Variants in DOP1A observed in about 807,000 individuals in gnomAD.
DOP1A encodes the protein DOP1 leucine zipper like protein A, also known as protein DOP1A.
DOP1A carries 90 observed loss-of-function variants against 267.6 expected under a neutral mutation model. That is an observed-to-expected ratio of 0.34 (90% CI 0.28 to 0.40). DOP1A has a LOEUF of 0.40. DOP1A is among the 10% of genes least tolerant of loss of function. The probability of loss-of-function intolerance (pLI) is 1.00; values close to 1 mark genes in which losing one functional copy is unlikely to be tolerated. For synonymous variants in DOP1A, 932 were observed against 999.1 expected (o/e 0.93, Z 1.27); for missense variants, 2,437 against 2,900.4 (o/e 0.84, Z 3.67).
At chr6:83,082,788 A>G (rs1768356636) in intron 1 of DOP1A, among the ~76,000 whole-genome samples, 1 of 151,808 alleles carries the variant, frequency 6.6e-6, no homozygotes, top group South Asian at 2.1e-4. Context: ...GAAATAAGCT[A>G]CATGTCTCTT....
chr6:83,170,334 C>A (rs529906310), downstream of DOP1A: 2 of 1,614,140 alleles, frequency 1.2e-6, no homozygotes, highest in Middle Eastern at 3.3e-4. Context: ...TATACTCGGA[C>A]GACATCTTCT....
chr6:83,130,800 A>G (rs933599773), intron 17 of DOP1A, among the ~76,000 whole-genome samples: 8 of 151,278 alleles, frequency 5.3e-5, no homozygotes, highest in African/African-American at 1.7e-4. Context: ...GTGCAGTGGC[A>G]TGATCTCGGC....
Position 83,154,169 on chromosome 6 carries a change from A to C in DOP1A, c.6390-11A>C, listed in dbSNP as rs890921555. On this transcript the variant is annotated splice_polypyrimidine_tract_variant and intron_variant, in intron 32 of 38. Coordinates refer to ENST00000349129, the MANE Select transcript of DOP1A (RefSeq NM_015018.4). ...AACATAATTACATGTTGTAATCCTT[A>C]TCTCTTTCAGTTGGAGAGCAATTAT... 2 of 1,613,640 alleles carry C rather than the reference A, an allele frequency of 1.2e-6. No homozygotes were observed. The highest frequency in any genetic ancestry group is 8.5e-7 in the Non-Finnish European group (1 of 1,179,624).
intron 27 of DOP1A, among the ~76,000 whole-genome samples, chr6:83,149,985 A>AGAGAGGGTTTG (rs1182424805): frequency 6.6e-6 from 1 of 152,216 alleles, no homozygotes; most frequent in Non-Finnish European, 1.5e-5. Flanking sequence ...ATGATTTTGG[A>AGAGAGGGTTTG]GAGAGGGTTT....
rs749720629 is a variant in DOP1A, at chr6:83,135,803, T to C, written c.3055T>C (p.Tyr1019His). The change falls in exon 20 of 39, where the codon TAT (tyrosine) becomes CAT (histidine). Residue 1019 changes from tyrosine to histidine, a missense_variant. Tyr to His is a moderately conservative substitution (Grantham distance 83, BLOSUM62 2). This residue lies in a region of DOP1A where 878 missense variants were observed against 992.9 expected (regional missense o/e 0.88). Transcript: ENST00000349129. Reference protein sequence around the residue: ...VSVQRVQAERYWNKSPCYPGE... With the variant: ...VSVQRVQAERHWNKSPCYPGE... ...AGTACAGCGTGTACAAGCAGAACGTTATTGGAATAAGTCTCCCTGTTATCC... is the reference window on the plus strand; with the variant it reads ...AGTACAGCGTGTACAAGCAGAACGTCATTGGAATAAGTCTCCCTGTTATCC... 6.2e-7 allele frequency: 1 copy of C among 1,613,740 alleles called. No individual in the cohort carries two copies. The highest frequency in any genetic ancestry group is 8.5e-7 in the Non-Finnish European group (1 of 1,179,716).
At chr6:83,147,211 C>T (rs2128306036) in intron 25 of DOP1A, 25 bp from the exon 26 acceptor site, 1 of 1,328,460 alleles carries the variant, frequency 7.5e-7, no homozygotes, top group Non-Finnish European at 1.0e-6. Context: ...TTCTTCACTA[C>T]AAAATTGATT....
intron 1 of DOP1A, among the ~76,000 whole-genome samples, chr6:83,079,884 CAGTT>C (rs71713777): frequency 0.029 from 4,455 of 152,176 alleles, 152 homozygotes; most frequent in East Asian, 0.084. Context: ...GGATAGTTAA[CAGTT>C]AGTTATTCCT....
rs1335239607 is a variant in DOP1A at position 83,160,510 on chromosome 6, G to T, written c.6962+550G>T. 2.0e-5 allele frequency among the ~76,000 whole-genome samples: 3 copies of T among 152,336 alleles called. No homozygotes were observed. The East Asian group carries it at 5.8e-4, about 29-fold the overall frequency. The stretch of plus-strand genomic sequence containing the variant: ...TAGAGAACTTGGACAGCTAAGGAAA[G>T]AAGTGATATTATTAGGCTTGAATTT... On this transcript the variant is annotated intron_variant, in intron 37 of 38. Transcript: ENST00000349129.
At chr6:83,099,562 T>G (rs1485456819) in intron 3 of DOP1A, among the ~76,000 whole-genome samples, 1 of 152,140 alleles carries the variant, frequency 6.6e-6, no homozygotes, top group Non-Finnish European at 1.5e-5. Flanking sequence ...ATTAGTTTTT[T>G]AGATTAACCA....
chr6:83,153,478 A>C (rs1180412102), intron 30 of DOP1A, 33 bp from the exon 31 acceptor site: 1 of 1,438,706 alleles, frequency 7.0e-7, no homozygotes, highest in Non-Finnish European at 9.6e-7. Context: ...GTTTCACCTC[A>C]TATGTTACTC....
intron 1 of DOP1A, among the ~76,000 whole-genome samples, chr6:83,082,032 T>C: frequency 6.6e-6 from 1 of 152,162 alleles, no homozygotes; most frequent in South Asian, 2.1e-4. Context: ...AAGGTAAGTG[T>C]TAGAGAGGAT....
chr6:83,092,389 C>A (rs1023298194), intron 1 of DOP1A, among the ~76,000 whole-genome samples: 1 of 152,070 alleles, frequency 6.6e-6, no homozygotes, highest in Non-Finnish European at 1.5e-5. Flanking sequence ...AATTGCATAG[C>A]AAATCCTTAT....
At chr6:83,132,034 A>G in intron 17 of DOP1A, 142 bp from the exon 18 acceptor site, 1 of 889,824 alleles carries the variant, frequency 1.1e-6, no homozygotes. Flanking sequence ...AGACTGCCTT[A>G]GTAACCTCAT....
Position 83,130,347 on chromosome 6 carries a change from C to G in DOP1A, c.2566C>G (p.Leu856Val), listed in dbSNP as rs776500308. 2 of 1,614,092 alleles carry G rather than the reference C, an allele frequency of 1.2e-6. No individual in the cohort carries two copies. The highest frequency in any genetic ancestry group is 1.1e-5 in the South Asian group (1 of 91,072). ...GRVAVVIRPPLTQGNLRYIAE... is the reference protein window; with the variant it reads ...GRVAVVIRPPVTQGNLRYIAE... ...AGTAGCTGTGGTTATTAGACCTCCC[C>G]TCACTCAGGGCAATCTGAGGTACAT... The change falls in exon 17 of 39, where the codon CTC becomes GTC. Residue 856 changes from leucine to valine, a missense_variant. Physicochemically the swap from Leu to Val is conservative, Grantham distance 32. Transcript: ENST00000349129.
chr6:83,128,463 T>A (rs1424641054), intron 15 of DOP1A, among the ~76,000 whole-genome samples: 1 of 152,212 alleles, frequency 6.6e-6, no homozygotes. Flanking sequence ...TAATTAGTAC[T>A]ATACACATTT....
intron 15 of DOP1A, among the ~76,000 whole-genome samples, chr6:83,125,972 C>T (rs1369533248): frequency 6.6e-6 from 1 of 151,916 alleles, no homozygotes; most frequent in African/African-American, 2.4e-5. Flanking sequence ...CTAGTACCCA[C>T]ATTAAAGTAA....
Position 83,138,748 on chromosome 6 carries a change from A to T in DOP1A, c.4706A>T (p.Glu1569Val). 1 of 1,614,056 alleles carries T rather than the reference A, an allele frequency of 6.2e-7. No homozygotes were observed. The highest frequency in any genetic ancestry group is 8.5e-7 in the Non-Finnish European group (1 of 1,179,934). ...FSEDSLINFS[E>V]DEFDNGSTLQ... ...GAGGACAGCCTTATTAATTTCTCAG[A>T]GGATGAATTTGACAATGGCAGCACG... Residue 1569 changes from glutamate to valine, a missense_variant, in exon 21 of 39, where the codon GAG (glutamate) becomes GTG (valine). By Grantham distance (121) the Glu-to-Val change is moderately radical. This residue lies in a region of DOP1A where 878 missense variants were observed against 992.9 expected (regional missense o/e 0.88). Coordinates refer to ENST00000349129, the MANE Select transcript of DOP1A (RefSeq NM_015018.4).
chr6:83,073,565 G>T (rs571852545), intron 1 of DOP1A, among the ~76,000 whole-genome samples: 1 of 152,256 alleles, frequency 6.6e-6, no homozygotes, highest in East Asian at 1.9e-4. Flanking sequence ...AGAGATTGTG[G>T]TTGAAAAAAT....
chr6:83,130,438 G>A (rs746081832), intron 17 of DOP1A, 41 bp downstream of exon 17: 6 of 1,567,006 alleles, frequency 3.8e-6, no homozygotes, highest in Non-Finnish European at 5.2e-6. Context: ...GATGATTACA[G>A]CCATGTATGA....
Sources: allele counts gnomAD v4.1 joint callset (sites outside exome capture counted in the v4.1 genomes callset), GRCh38; gene constraint gnomAD v4.1.1; regional missense constraint gnomAD v4.1.1; transcripts MANE v1.5; gene names NCBI Gene and HGNC (gene_info 2026-07-23, HGNC 2026-07-21).